Variants in MAPK8 observed in about 807,000 individuals in gnomAD.
The protein encoded by MAPK8 is JUN N-terminal kinase.
Under a neutral mutation model 52.9 loss-of-function variants are expected in MAPK8, and 13 were observed. That is an observed-to-expected ratio of 0.25 (90% CI 0.16 to 0.39). MAPK8 has a LOEUF of 0.39. MAPK8 is among the 10% of genes least tolerant of loss of function. MAPK8 has a pLI of 1.00. For missense variants in MAPK8, 300 were observed against 519.2 expected, an observed-to-expected ratio of 0.58 and a Z score of 4.10; for synonymous variants, 191 against 169.8, an observed-to-expected ratio of 1.12 and a Z score of -0.97.
intron 1 of MAPK8, among the ~76,000 whole-genome samples, chr10:48,311,574 G>A (rs2132067581): frequency 6.6e-6 from 1 of 152,314 alleles, no homozygotes; most frequent in South Asian, 2.1e-4. Flanking sequence ...GCTTTATCAT[G>A]TGACACATTT....
At chr10:48,348,229 T>G (rs567392023) in intron 1 of MAPK8, among the ~76,000 whole-genome samples, 84 of 152,368 alleles carry the variant, frequency 5.5e-4, no homozygotes, top group African/African-American at 2.0e-3. Context: ...ACCCACTTTT[T>G]GATGGGGTTG....
chr10:48,403,917 T>TTGTG (rs71465463), intron 2 of MAPK8, among the ~76,000 whole-genome samples: 23,705 of 125,492 alleles, frequency 0.19, 2,575 homozygotes, highest in East Asian at 0.5. Context: ...CCCGGCTAAT[T>TTGTG]TGTGTGTGTG....
chr10:48,433,260 A>G (rs927637826), intron 11 of MAPK8, among the ~76,000 whole-genome samples: 2 of 152,170 alleles, frequency 1.3e-5, no homozygotes, highest in African/African-American at 2.4e-5. Flanking sequence ...TTAAAAGTCA[A>G]TTTTTATCAG....
At chr10:48,418,033 G>A (rs778971216) in intron 5 of MAPK8, among the ~76,000 whole-genome samples, 34 of 152,180 alleles carry the variant, frequency 2.2e-4, no homozygotes, top group Non-Finnish European at 4.3e-4. Flanking sequence ...CTCTGCCATT[G>A]TAACACAAAA....
chr10:48,311,606 C>A (rs1841989395), intron 1 of MAPK8, among the ~76,000 whole-genome samples: 1 of 152,158 alleles, frequency 6.6e-6, no homozygotes, highest in Non-Finnish European at 1.5e-5. Context: ...AATGCTGTCA[C>A]ATCTTTTAAA....
chr10:48,374,181 G>A (rs1264873742), intron 1 of MAPK8, among the ~76,000 whole-genome samples: 3 of 152,156 alleles, frequency 2.0e-5, no homozygotes, highest in Non-Finnish European at 4.4e-5. Flanking sequence ...AAATAAAGAT[G>A]TTCTTTGAAA....
chr10:48,347,501 TC>T, intron 1 of MAPK8, among the ~76,000 whole-genome samples: 1 of 152,240 alleles, frequency 6.6e-6, no homozygotes, highest in South Asian at 2.1e-4. Flanking sequence ...GCACCCATCA[TC>T]CCGTCATCTA....
Position 48,435,797 on chromosome 10 carries a change from C to T in MAPK8, c.*768C>T, listed in dbSNP as rs936771955. On this transcript the variant is annotated 3_prime_UTR_variant, in exon 12 of 12. Transcript: ENST00000374189. The stretch of plus-strand genomic sequence containing the variant: ...GTATTCTACAAATTTGTGGCATGCT[C>T]AAAGTTTATGATCACATAAAGGCAA... 6.6e-6 allele frequency: 1 copy of T among 152,158 alleles called. No individual in the cohort carries two copies. The highest frequency in any genetic ancestry group is 2.4e-5 in the African/African-American group (1 of 41,432). The allele number at this position is 152,158 out of a possible 1,614,324, so 9.4% of individuals were successfully genotyped here. A position where few individuals can be genotyped will look rare whatever the true frequency, so the allele number is the denominator to read the frequency against.
At chr10:48,317,836 TGGGAGTTTG>T (rs1842649622) in intron 1 of MAPK8, among the ~76,000 whole-genome samples, 1 of 152,182 alleles carries the variant, frequency 6.6e-6, no homozygotes, top group Non-Finnish European at 1.5e-5. Flanking sequence ...CAGAAAGGGA[TGGGAGTTTG>T]GGGAGTTTGA....
chr10:48,307,341 G>A (rs976315205), intron 1 of MAPK8, among the ~76,000 whole-genome samples: 1 of 152,220 alleles, frequency 6.6e-6, no homozygotes, highest in Admixed American at 6.5e-5. Flanking sequence ...CGTTCTGGGC[G>A]AACGCAGGCA....
At chr10:48,352,620 C>T (rs1405703976) in intron 1 of MAPK8, among the ~76,000 whole-genome samples, 2 of 152,142 alleles carry the variant, frequency 1.3e-5, no homozygotes, top group African/African-American at 4.8e-5. Context: ...CAAACTTCCT[C>T]AACTGGATAA....
chr10:48,420,886 T>C (rs989830798), intron 6 of MAPK8, among the ~76,000 whole-genome samples: 1 of 152,224 alleles, frequency 6.6e-6, no homozygotes, highest in African/African-American at 2.4e-5. Flanking sequence ...GTATATCCAG[T>C]TGTATCAATC....
At chr10:48,366,776 T>G (rs1848089121) in intron 1 of MAPK8, among the ~76,000 whole-genome samples, 2 of 152,158 alleles carry the variant, frequency 1.3e-5, no homozygotes, top group Non-Finnish European at 2.9e-5. Flanking sequence ...CCATATAGGG[T>G]TGAAAAATTT....
chr10:48,410,422 A>T (rs952100543), intron 5 of MAPK8: 1 of 322,436 alleles, frequency 3.1e-6, no homozygotes, highest in Admixed American at 4.8e-5. Context: ...GTTTCCATTT[A>T]TATGAAATAC....
chr10:48,361,400 T>A (rs1373888238), intron 1 of MAPK8, among the ~76,000 whole-genome samples: 1 of 152,160 alleles, frequency 6.6e-6, no homozygotes, highest in South Asian at 2.1e-4. Context: ...CTCAGCTGTT[T>A]TCCACTTCCC....
intron 1 of MAPK8, among the ~76,000 whole-genome samples, chr10:48,374,112 A>G (rs552455652): frequency 7.9e-5 from 12 of 152,214 alleles, no homozygotes; most frequent in Non-Finnish European, 1.0e-4. Context: ...GCACAACTAC[A>G]TGGAAACTGA....
rs192653175 is a variant in MAPK8, at chr10:48,311,320, T to C, written c.-50+4499T>C. Among the ~76,000 whole-genome samples, 14 of 152,318 alleles carry C rather than the reference T, an allele frequency of 9.2e-5. No homozygotes were observed. In the East Asian group the frequency reaches 2.7e-3, roughly 29 times the overall value. ...TGCCATTTGTTTCACTCTGCATCTC[T>C]GGGGGGTTTATTTAAAATTCGATCA... On this transcript the variant is annotated intron_variant, in intron 1 of 11. Transcript: ENST00000374189.
intron 1 of MAPK8, 61 bp from the exon 2 acceptor site, chr10:48,401,551 T>G (rs2042160061): frequency 8.6e-7 from 1 of 1,166,190 alleles, no homozygotes; most frequent in African/African-American, 1.6e-5. Flanking sequence ...CAGTAAGGAC[T>G]CAAATTTTAA....
At chr10:48,425,185 G>A (rs1354426511) in intron 7 of MAPK8, 3 of 767,932 alleles carry the variant, frequency 3.9e-6, no homozygotes, top group Admixed American at 3.5e-5. Flanking sequence ...TCAGGAGGAA[G>A]AATGGGAAAA....
Sources: gnomAD v4.1 joint callset for allele counts (sites outside exome capture counted in the v4.1 genomes callset) on GRCh38, gnomAD v4.1.1 for gene constraint, MANE v1.5 for transcripts, NCBI Gene and HGNC (gene_info 2026-07-23, HGNC 2026-07-21) for gene names.